NAALADL2: variants seen among roughly 807,000 people sequenced by gnomAD.
The protein encoded by NAALADL2 is inactive N-acetylated-alpha-linked acidic dipeptidase-like protein 2.
Under a neutral mutation model 87.2 loss-of-function variants are expected in NAALADL2, and 76 were observed. The ratio of observed to expected loss-of-function variants is 0.87; its 90% CI spans 0.72 to 1.05. The LOEUF is 1.05. Among genes scored for constraint, NAALADL2 ranks in the 50% least tolerant of loss-of-function variants. The pLI is 0.00. For missense variants in NAALADL2, 1,089 were observed against 945.8 expected, an observed-to-expected ratio of 1.15 and a Z score of -1.99; for synonymous variants, 354 against 331.0, an observed-to-expected ratio of 1.07 and a Z score of -0.75.
At chr3:175,111,582 A>G (rs1724200288) in intron 2 of NAALADL2, among the ~76,000 whole-genome samples, 1 of 151,704 alleles carries the variant, frequency 6.6e-6, no homozygotes, top group African/African-American at 2.4e-5. Flanking sequence ...AAAATAAAAG[A>G]AACAAAATTT....
intron 3 of NAALADL2, among the ~76,000 whole-genome samples, chr3:174,746,442 AATGGAAAAAC>A (rs1429964984): frequency 1.3e-5 from 2 of 152,176 alleles, no homozygotes; most frequent in Non-Finnish European, 2.9e-5. Flanking sequence ...AACACAAACA[AATGGAAAAAC>A]ATTCCATGCT....
chr3:175,149,335 C>G (rs1278091698), intron 2 of NAALADL2, among the ~76,000 whole-genome samples: 2 of 152,060 alleles, frequency 1.3e-5, no homozygotes, highest in African/African-American at 4.8e-5. Context: ...AAACTATGAT[C>G]AATTCATTAT....
intron 5 of NAALADL2, among the ~76,000 whole-genome samples, chr3:175,352,143 A>C (rs61406415): frequency 0.11 from 16,406 of 150,576 alleles, 1,002 homozygotes; most frequent in Admixed American, 0.15. Context: ...TTGGTGAGAG[A>C]CAGAAGGAAA....
At chr3:174,585,633 C>T (rs1035374727) in intron 2 of NAALADL2, among the ~76,000 whole-genome samples, 7 of 151,714 alleles carry the variant, frequency 4.6e-5, no homozygotes, top group Admixed American at 2.6e-4. Flanking sequence ...GTCTCCAGCT[C>T]ATTGTGGAAT....
At chr3:174,654,832 T>A (rs1208157252) in intron 2 of NAALADL2, among the ~76,000 whole-genome samples, 1 of 151,950 alleles carries the variant, frequency 6.6e-6, no homozygotes, top group Non-Finnish European at 1.5e-5. Flanking sequence ...GCCTCCCGGG[T>A]TCAAGCCATT....
At chr3:175,129,739 G>C (rs374261266) in intron 2 of NAALADL2, among the ~76,000 whole-genome samples, 1 of 152,016 alleles carries the variant, frequency 6.6e-6, no homozygotes, top group Non-Finnish European at 1.5e-5. Context: ...CATTTAGGTC[G>C]TTCCCATATC....
chr3:175,571,964 A>G (rs1718138892), intron 9 of NAALADL2, among the ~76,000 whole-genome samples: 1 of 152,176 alleles, frequency 6.6e-6, no homozygotes, highest in South Asian at 2.1e-4. Flanking sequence ...CACTGGTTAA[A>G]TTAGTGAGAG....
At chr3:175,174,954 A>G (rs936715973) in intron 2 of NAALADL2, among the ~76,000 whole-genome samples, 23 of 152,248 alleles carry the variant, frequency 1.5e-4, no homozygotes, top group Non-Finnish European at 1.2e-4. Context: ...AGGAACATAT[A>G]GAGTTAAAAG....
intron 13 of NAALADL2, among the ~76,000 whole-genome samples, chr3:175,784,324 A>G (rs980257443): frequency 6.6e-6 from 1 of 152,096 alleles, no homozygotes; most frequent in Non-Finnish European, 1.5e-5. Flanking sequence ...CTGTGAATCC[A>G]TCTGGTCCTG....
At chr3:174,986,508 G>A (rs576481962) in intron 1 of NAALADL2, among the ~76,000 whole-genome samples, 6 of 151,624 alleles carry the variant, frequency 4.0e-5, no homozygotes, top group African/African-American at 1.2e-4. Flanking sequence ...TAGTTTTTCC[G>A]TTAAATGGTG....
intron 2 of NAALADL2, among the ~76,000 whole-genome samples, chr3:174,621,736 G>T (rs182022031): frequency 2.0e-4 from 30 of 152,258 alleles, no homozygotes; most frequent in African/African-American, 6.5e-4. Context: ...GGGAGTAAAT[G>T]AGACAATCCA....
At chr3:174,622,763 G>A (rs552765156) in intron 2 of NAALADL2, among the ~76,000 whole-genome samples, 9 of 152,236 alleles carry the variant, frequency 5.9e-5, no homozygotes, top group Admixed American at 3.3e-4. Flanking sequence ...GAATCGGGCC[G>A]GGCGCGGTGG....
At position 175,293,138 on chromosome 3, in the gene NAALADL2, G is replaced by C. The variant is rs1755878669; in HGVS notation, c.940-31037G>C. ...GTTAAGTCTAGTAGGGGAAGATATA[G>C]CCCTTTCAAGATCCTAACTCCAACT... On this transcript the variant is annotated intron_variant, in intron 4 of 13. Coordinates refer to ENST00000454872, the MANE Select transcript of NAALADL2 (RefSeq NM_207015.3). 3.3e-5 allele frequency among the ~76,000 whole-genome samples: 5 copies of C among 150,398 alleles called. No homozygotes were observed. The South Asian group carries it at 1.1e-3, about 32-fold the overall frequency.
chr3:175,775,404 C>CA (rs1166051546), intron 13 of NAALADL2, among the ~76,000 whole-genome samples: 62 of 152,072 alleles, frequency 4.1e-4, no homozygotes, highest in African/African-American at 1.4e-3. Context: ...AGTTATTACT[C>CA]AAAATTCACC....
chr3:175,270,079 G>C (rs1752586396), intron 4 of NAALADL2, among the ~76,000 whole-genome samples: 1 of 152,136 alleles, frequency 6.6e-6, no homozygotes. Context: ...AAAGCAGCCA[G>C]GATTCCCAAC....
chr3:175,141,648 C>A (rs1423367611), intron 2 of NAALADL2, among the ~76,000 whole-genome samples: 1 of 152,000 alleles, frequency 6.6e-6, no homozygotes, highest in Non-Finnish European at 1.5e-5. Flanking sequence ...TAGAGGATAT[C>A]AGTTTAGATT....
intron 3 of NAALADL2, among the ~76,000 whole-genome samples, chr3:175,238,460 A>G (rs982952944): frequency 6.6e-6 from 1 of 152,134 alleles, no homozygotes; most frequent in Non-Finnish European, 1.5e-5. Context: ...TAATTTGAGA[A>G]ATTAATTATG....
intron 1 of NAALADL2, among the ~76,000 whole-genome samples, chr3:174,900,126 C>T (rs1378036752): frequency 6.6e-6 from 1 of 151,986 alleles, no homozygotes; most frequent in Non-Finnish European, 1.5e-5. Flanking sequence ...CGAGATATTA[C>T]ACCATTTACA....
chr3:175,492,280 A>G (rs1035409777), intron 9 of NAALADL2, among the ~76,000 whole-genome samples: 5 of 152,092 alleles, frequency 3.3e-5, no homozygotes, highest in African/African-American at 1.2e-4. Context: ...CTCATTCTTT[A>G]GTGTATGGAG....
Sources: gnomAD v4.1 joint callset for allele counts (sites outside exome capture counted in the v4.1 genomes callset) on GRCh38, gnomAD v4.1.1 for gene constraint, MANE v1.5 for transcripts, NCBI Gene and HGNC (gene_info 2026-07-23, HGNC 2026-07-21) for gene names.